Variants in PHF21A observed in about 807,000 individuals in gnomAD.
PHF21A encodes the protein BHC80a.
Under a neutral mutation model 82.5 loss-of-function variants are expected in PHF21A, and 11 were observed. The observed-to-expected ratio is 0.13, with a 90% CI of 0.08 to 0.22. PHF21A has a LOEUF of 0.22. Among genes scored for constraint, PHF21A ranks in the 10% least tolerant of loss-of-function variants. PHF21A has a pLI of 1.00. For missense variants in PHF21A, 579 were observed against 837.8 expected (o/e 0.69, Z 3.81); for synonymous variants, 297 against 302.8 (o/e 0.98, Z 0.20).
At chr11:46,112,525 AAAT>A (rs1200811979) in intron 1 of PHF21A, among the ~76,000 whole-genome samples, 1 of 152,222 alleles carries the variant, frequency 6.6e-6, no homozygotes, top group Non-Finnish European at 1.5e-5. Context: ...TAAACTTTCC[AAAT>A]AAAAATATAA....
chr11:45,940,212 T>C (rs1407757257), intron 15 of PHF21A, among the ~76,000 whole-genome samples: 1 of 151,794 alleles, frequency 6.6e-6, no homozygotes, highest in African/African-American at 2.4e-5. Flanking sequence ...TTTTTTTTTT[T>C]AGACGGAGTC....
chr11:46,059,131 A>AT (rs1042213624), intron 6 of PHF21A, among the ~76,000 whole-genome samples: 32 of 152,176 alleles, frequency 2.1e-4, no homozygotes, highest in African/African-American at 5.3e-4. Flanking sequence ...TCCTTATCTG[A>AT]TTTTTTTTAC....
intron 7 of PHF21A, among the ~76,000 whole-genome samples, chr11:45,979,236 C>T (rs1342107352): frequency 6.6e-6 from 1 of 152,096 alleles, no homozygotes; most frequent in Non-Finnish European, 1.5e-5. Context: ...CCAGGCTGGT[C>T]TCAAACTCCT....
intron 18 of PHF21A, 157 bp from the exon 19 acceptor site, chr11:45,934,382 G>C (rs1342990875): frequency 2.7e-5 from 19 of 710,196 alleles, no homozygotes; most frequent in Middle Eastern, 4.0e-4. Context: ...AGTGGAGTGG[G>C]CGGCTACCAC....
At chr11:46,107,288 C>G (rs1307420498) in intron 1 of PHF21A, among the ~76,000 whole-genome samples, 2 of 152,084 alleles carry the variant, frequency 1.3e-5, no homozygotes, top group Admixed American at 1.3e-4. Context: ...AAAAGGAAAA[C>G]TAGGCTCTAC....
chr11:46,039,909 C>G (rs1205167047), intron 6 of PHF21A, among the ~76,000 whole-genome samples: 2 of 152,266 alleles, frequency 1.3e-5, no homozygotes, highest in Admixed American at 1.3e-4. Flanking sequence ...CTGCATCTTC[C>G]CAAGACTTCC....
chr11:46,117,543 A>T (rs935395132), intron 1 of PHF21A, among the ~76,000 whole-genome samples: 1 of 152,244 alleles, frequency 6.6e-6, no homozygotes, highest in Non-Finnish European at 1.5e-5. Context: ...TTAGAATCAT[A>T]GTCTGTAAAT....
intron 7 of PHF21A, among the ~76,000 whole-genome samples, chr11:45,973,175 A>T (rs1294644173): frequency 6.6e-6 from 1 of 152,260 alleles, no homozygotes; most frequent in East Asian, 1.9e-4. Context: ...CAGTTGCACT[A>T]GCCACATTTC....
chr11:45,969,997 C>T (rs1173766559), intron 8 of PHF21A, 93 bp from the exon 9 acceptor site: 1 of 856,726 alleles, frequency 1.2e-6, no homozygotes, highest in Non-Finnish European at 1.9e-6. Context: ...TTGGATCAGA[C>T]AATATTTTCT....
Position 45,970,013 on chromosome 11 carries a change from C to T in PHF21A, c.613-109G>A, listed in dbSNP as rs1324019500. On this transcript the variant is annotated intron_variant, in intron 8 of 18. Transcript: ENST00000676320. ...TGGATCAGACAATATTTTCTACAAG[C>T]TTTCATCGTAAGTTAATCATCTGAA... is the stretch of plus-strand genomic sequence containing the variant. The T allele has an allele frequency of 6.3e-6, 5 of 791,102 alleles. No homozygotes were observed. In the African/African-American group the frequency reaches 8.7e-5, roughly 14 times the overall value. The allele number at this position is 791,102 out of a possible 1,614,324, so 49.0% of individuals were successfully genotyped here.
At chr11:45,954,277 G>A (rs969820246) in intron 10 of PHF21A, among the ~76,000 whole-genome samples, 2 of 152,106 alleles carry the variant, frequency 1.3e-5, no homozygotes, top group African/African-American at 2.4e-5. Context: ...GATTACAGGC[G>A]TGAGCCACCA....
At chr11:46,069,344 G>C (rs2096630093) in intron 6 of PHF21A, among the ~76,000 whole-genome samples, 1 of 152,192 alleles carries the variant, frequency 6.6e-6, no homozygotes, top group African/African-American at 2.4e-5. Context: ...GGATGAACTA[G>C]ACTAAATCTT....
chr11:46,059,537 T>G (rs566249952), intron 6 of PHF21A, among the ~76,000 whole-genome samples: 1 of 152,212 alleles, frequency 6.6e-6, no homozygotes, highest in South Asian at 2.1e-4. Flanking sequence ...GCAATCCTCC[T>G]GACTCAGCTT....
At chr11:46,113,824 C>CAA (rs34398600) in intron 1 of PHF21A, among the ~76,000 whole-genome samples, 8 of 77,180 alleles carry the variant, frequency 1.0e-4, no homozygotes, top group South Asian at 4.3e-4. Flanking sequence ...GATTCATTCT[C>CAA]AAAAAAAAAA....
chr11:45,972,931 A>G (rs1226010681), intron 7 of PHF21A, among the ~76,000 whole-genome samples: 1 of 151,666 alleles, frequency 6.6e-6, no homozygotes, highest in African/African-American at 2.4e-5. Flanking sequence ...AAAAAAAATT[A>G]GCCAGGTGTG....
chr11:46,055,143 T>A (rs1162003125), intron 6 of PHF21A, among the ~76,000 whole-genome samples: 3 of 152,150 alleles, frequency 2.0e-5, no homozygotes, highest in African/African-American at 7.2e-5. Flanking sequence ...TTAAGATACT[T>A]TGAAGCAATC....
intron 15 of PHF21A, among the ~76,000 whole-genome samples, chr11:45,940,700 C>G (rs1371680657): frequency 6.6e-6 from 1 of 151,980 alleles, no homozygotes; most frequent in African/African-American, 2.4e-5. Flanking sequence ...AGAGGGTCAG[C>G]CTTTCTTGAA....
At chr11:45,986,877 C>T (rs2094506677) in intron 6 of PHF21A, among the ~76,000 whole-genome samples, 1 of 151,664 alleles carries the variant, frequency 6.6e-6, no homozygotes, top group African/African-American at 2.4e-5. Flanking sequence ...AATGCTAGTT[C>T]AATCTATGTT....
chr11:45,967,010 A>T (rs1196217154), intron 9 of PHF21A, among the ~76,000 whole-genome samples: 2 of 152,084 alleles, frequency 1.3e-5, no homozygotes, highest in African/African-American at 4.8e-5. Context: ...TTAACTCTTT[A>T]GCTCTGCTCT....
Sources: gnomAD v4.1 joint callset for allele counts (sites outside exome capture counted in the v4.1 genomes callset) on GRCh38, gnomAD v4.1.1 for gene constraint, MANE v1.5 for transcripts, NCBI Gene and HGNC (gene_info 2026-07-23, HGNC 2026-07-21) for gene names.